Variants in LRRC7 observed in about 807,000 individuals in gnomAD.
LRRC7 encodes leucine rich repeat containing 7.
A neutral mutation model predicts 175.7 loss-of-function variants in LRRC7; 23 were observed. The ratio of observed to expected loss-of-function variants is 0.13; its 90% CI spans 0.09 to 0.19. LRRC7 has a LOEUF of 0.19. LRRC7 is among the 10% of genes least tolerant of loss of function. The pLI, the probability that LRRC7 is intolerant of heterozygous loss-of-function variation, is 1.00. For synonymous variants in LRRC7, 685 were observed against 680.9 expected (o/e 1.01, Z -0.09); for missense variants, 1,354 against 1,904.7 (o/e 0.71, Z 5.38).
At position 69,750,092 on chromosome 1, in the gene LRRC7, A is replaced by T. The variant is rs11209533; in HGVS notation, c.101-10099A>T. On this transcript the variant is annotated intron_variant, in intron 2 of 26. Transcript: ENST00000651989. ...AATAAATAAATAAATAAATAAATAA[A>T]TAATAATAACTGAAAAGTGAGGTTA... is the stretch of plus-strand genomic sequence containing the variant. Among the ~76,000 whole-genome samples, 154 of 40,792 alleles carry T rather than the reference A, an allele frequency of 3.8e-3. 2 individuals are homozygous for T. Among genetic ancestry groups the T allele is most frequent in the African/African-American group, 7.9e-3 (54 of 6,862 alleles). 26.8% of individuals were successfully genotyped at this position (40,792 alleles called of 152,430 possible).
intron 1 of LRRC7, among the ~76,000 whole-genome samples, chr1:69,602,264 C>T (rs1647105558): frequency 6.6e-6 from 1 of 152,050 alleles, no homozygotes; most frequent in Non-Finnish European, 1.5e-5. Flanking sequence ...TTTTACACTT[C>T]CATAGTCAAC....
intron 2 of LRRC7, among the ~76,000 whole-genome samples, chr1:69,690,103 C>G (rs1019418764): frequency 1.3e-5 from 2 of 152,154 alleles, no homozygotes; most frequent in Admixed American, 1.3e-4. Context: ...TATGGAAGGT[C>G]CATAGCTTTG....
intron 7 of LRRC7, chr1:69,919,527 C>A: frequency 1.2e-6 from 1 of 806,246 alleles, no homozygotes; most frequent in Non-Finnish European, 2.1e-6. Context: ...GGGTCCGCCG[C>A]TCGCACCTGC....
chr1:69,621,785 C>A (rs1230681787), intron 1 of LRRC7, among the ~76,000 whole-genome samples: 1 of 152,166 alleles, frequency 6.6e-6, no homozygotes, highest in Non-Finnish European at 1.5e-5. Flanking sequence ...TCCCTAAACC[C>A]TTACTGGACT....
intron 2 of LRRC7, among the ~76,000 whole-genome samples, chr1:69,752,550 A>G (rs1669951323): frequency 6.6e-6 from 1 of 152,122 alleles, no homozygotes; most frequent in African/African-American, 2.4e-5. Context: ...AAGTGGTTGA[A>G]ATTATCTTTG....
At position 69,624,210 on chromosome 1, in the gene LRRC7, G is replaced by A. The variant is rs77104442; in HGVS notation, c.3-54171G>A. ...ATAGTACTATTAGTAATTTTTAATT[G>A]TAGACATTCTGGTGGACATGTAGTA... On this transcript the variant is annotated intron_variant, in intron 1 of 26. Coordinates refer to ENST00000651989, the MANE Select transcript of LRRC7 (RefSeq NM_001370785.2). 3.8e-3 allele frequency among the ~76,000 whole-genome samples: 576 copies of A among 152,158 alleles called. 4 individuals are homozygous for A. The highest frequency in any genetic ancestry group is 4.1e-3 in the Non-Finnish European group (280 of 67,990).
chr1:69,683,041 G>A (rs1261895676), intron 2 of LRRC7, among the ~76,000 whole-genome samples: 1 of 152,074 alleles, frequency 6.6e-6, no homozygotes, highest in Non-Finnish European at 1.5e-5. Flanking sequence ...ATGTGCACTT[G>A]ACACATTCTT....
At chr1:69,756,091 A>G (rs1670394512) in intron 2 of LRRC7, among the ~76,000 whole-genome samples, 1 of 151,954 alleles carries the variant, frequency 6.6e-6, no homozygotes, top group Non-Finnish European at 1.5e-5. Context: ...TGAGACACAA[A>G]TAGGATACTA....
At chr1:69,626,137 A>G (rs1056852524) in intron 1 of LRRC7, among the ~76,000 whole-genome samples, 1 of 152,102 alleles carries the variant, frequency 6.6e-6, no homozygotes, top group African/African-American at 2.4e-5. Flanking sequence ...ATTTCAGTCC[A>G]TCTTGGGACC....
chr1:69,778,575 G>T (rs575880573), intron 3 of LRRC7, among the ~76,000 whole-genome samples: 2 of 152,254 alleles, frequency 1.3e-5, no homozygotes, highest in Admixed American at 6.5e-5. Context: ...GAAGTGCATT[G>T]CTGAAGACAA....
At chr1:69,745,200 ATT>A (rs1201129719) in intron 2 of LRRC7, among the ~76,000 whole-genome samples, 2 of 151,988 alleles carry the variant, frequency 1.3e-5, no homozygotes. Flanking sequence ...ATAGTTTCCT[ATT>A]TGTAGTCCAT....
At chr1:69,590,803 G>A (rs1646599382) in intron 1 of LRRC7, among the ~76,000 whole-genome samples, 1 of 152,048 alleles carries the variant, frequency 6.6e-6, no homozygotes, top group South Asian at 2.1e-4. Flanking sequence ...TATCAAATAT[G>A]AGCTTTAGAC....
intron 7 of LRRC7, among the ~76,000 whole-genome samples, chr1:69,850,678 C>T (rs1682876700): frequency 6.6e-6 from 1 of 152,022 alleles, no homozygotes; most frequent in African/African-American, 2.4e-5. Context: ...AACCAAGGCA[C>T]ATTTCCAAAT....
intron 1 of LRRC7, among the ~76,000 whole-genome samples, chr1:69,581,494 T>C (rs1286842643): frequency 6.6e-6 from 1 of 152,192 alleles, no homozygotes; most frequent in African/African-American, 2.4e-5. Context: ...AGAAACTGGA[T>C]ACATATAGGT....
At position 69,649,997 on chromosome 1, in the gene LRRC7, T is replaced by A. The variant is rs531243270; in HGVS notation, c.3-28384T>A. The stretch of plus-strand genomic sequence containing the variant: ...CAGGCAAGCATGCGATAAGAGATGG[T>A]AAGATACAGTTAGAGAATCCATCAA... On this transcript the variant is annotated intron_variant, in intron 1 of 26. Transcript: ENST00000651989. 3.6e-4 allele frequency among the ~76,000 whole-genome samples: 55 copies of A among 152,250 alleles called. 1 individual carries two copies. The South Asian group carries it at 0.011, about 32-fold the overall frequency.
intron 1 of LRRC7, among the ~76,000 whole-genome samples, chr1:69,613,899 T>C (rs1649197182): frequency 1.3e-5 from 2 of 152,022 alleles, no homozygotes; most frequent in Admixed American, 1.3e-4. Context: ...AAAAAGTACA[T>C]ATCAAATAAG....
chr1:70,096,474 A>C (rs949208139), intron 25 of LRRC7, among the ~76,000 whole-genome samples: 3 of 152,210 alleles, frequency 2.0e-5, no homozygotes, highest in African/African-American at 7.2e-5. Context: ...ACATTCATTA[A>C]TAGAAAACAA....
chr1:69,731,593 A>T lies in LRRC7; in HGVS notation c.101-28598A>T, dbSNP rs116650886. ...TAGCCCTCTGAAAAAGAGAATGATA[A>T]ATGTATTTAGACATCCTCTTCAAAG... On this transcript the variant is annotated intron_variant, in intron 2 of 26. Coordinates refer to ENST00000651989, the MANE Select transcript of LRRC7 (RefSeq NM_001370785.2). Among the ~76,000 whole-genome samples the T allele has an allele frequency of 9.4e-3, 1,435 of 152,332 alleles. 22 individuals carry two copies. The highest frequency in any genetic ancestry group is 0.033 in the African/African-American group (1,353 of 41,574).
At chr1:69,944,190 T>C (rs1175214330) in intron 8 of LRRC7, among the ~76,000 whole-genome samples, 1 of 152,088 alleles carries the variant, frequency 6.6e-6, no homozygotes, top group African/African-American at 2.4e-5. Flanking sequence ...TGGGTTTGAC[T>C]TTTTCAGATA....
Sources: gnomAD v4.1 joint callset for allele counts (sites outside exome capture counted in the v4.1 genomes callset) on GRCh38, gnomAD v4.1.1 for gene constraint, MANE v1.5 for transcripts, NCBI Gene and HGNC (gene_info 2026-07-23, HGNC 2026-07-21) for gene names.